Variants in ARHGAP32 observed in about 807,000 individuals in gnomAD.
ARHGAP32 encodes rho GTPase-activating protein 32.
A neutral mutation model predicts 186.5 loss-of-function variants in ARHGAP32; 51 were observed. The observed-to-expected ratio is 0.27, with a 90% confidence interval of 0.22 to 0.35. ARHGAP32 has a LOEUF of 0.35. ARHGAP32 is among the 10% of genes least tolerant of loss of function. The pLI, the probability that ARHGAP32 is intolerant of heterozygous loss-of-function variation, is 1.00. For missense variants in ARHGAP32, 2,186 were observed against 2,623.5 expected (o/e 0.83, Z 3.64); for synonymous variants, 950 against 964.3 (o/e 0.99, Z 0.27).
chr11:129,035,488 G>C (rs1172268262), intron 11 of ARHGAP32, among the ~76,000 whole-genome samples: 2 of 152,190 alleles, frequency 1.3e-5, no homozygotes, highest in African/African-American at 4.8e-5. Context: ...GGCAAAGACA[G>C]TTTTAAAGTG....
intron 2 of ARHGAP32, among the ~76,000 whole-genome samples, chr11:129,149,031 A>C (rs897732267): frequency 3.3e-5 from 5 of 152,158 alleles, no homozygotes; most frequent in Non-Finnish European, 7.4e-5. Context: ...GCCAAACACA[A>C]AAGATAGAAA....
chr11:129,120,794 C>T (rs515018), intron 5 of ARHGAP32, among the ~76,000 whole-genome samples: 50,072 of 151,806 alleles, frequency 0.33, 8,646 homozygotes, highest in South Asian at 0.51. Context: ...TTTCTAAGAT[C>T]AGAGTGAAAA....
At position 128,981,515 on chromosome 11, in the gene ARHGAP32, T is replaced by A; in HGVS notation, c.1681A>T (p.Met561Leu). ...SACFSGTAAF[M>L]EVRIQSVVVE... ...ACCACAGACTGAATCCTCACTTCCATGAAAGCTGCTGTTCCACTGAAGCAG... is the reference window on the plus strand; with the variant it reads ...ACCACAGACTGAATCCTCACTTCCAAGAAAGCTGCTGTTCCACTGAAGCAG... The change falls in exon 17 of 23, where the codon ATG becomes TTG. Residue 561 changes from methionine (M) to leucine (L), a missense_variant. This residue lies in a region of ARHGAP32 where 308 missense variants were observed against 596.5 expected (regional missense o/e 0.52). Coordinates refer to ENST00000682385, the MANE Select transcript of ARHGAP32 (RefSeq NM_001378024.1). The A allele has an allele frequency of 6.8e-6, 11 of 1,614,102 alleles. No homozygotes were observed. Among genetic ancestry groups the A allele is most frequent in the Non-Finnish European group, 9.3e-6 (11 of 1,179,964 alleles).
intron 6 of ARHGAP32, among the ~76,000 whole-genome samples, chr11:129,067,185 GA>G (rs1301083508): frequency 6.6e-6 from 1 of 151,412 alleles, no homozygotes; most frequent in Non-Finnish European, 1.5e-5. Flanking sequence ...CTACCAAAAA[GA>G]AAAAAACCAT....
rs1945204033 is a variant in ARHGAP32 at position 128,965,537 on chromosome 11, T to G, written c.*3370A>C. The G allele has an allele frequency of 6.6e-6, 1 of 152,110 alleles. No homozygotes were observed. Among genetic ancestry groups the G allele is most frequent in the African/African-American group, 2.4e-5 (1 of 41,430 alleles). 9.4% of individuals were successfully genotyped at this position (152,110 alleles called of 1,614,324 possible). ...TTGAACATTAACAGTACTAATCAGA[T>G]AAGGAAAAAAGACCCTCTGTGCACA... On this transcript the variant is annotated 3_prime_UTR_variant, in exon 23 of 23. Coordinates refer to ENST00000682385, the MANE Select transcript of ARHGAP32 (RefSeq NM_001378024.1).
intron 10 of ARHGAP32, among the ~76,000 whole-genome samples, chr11:129,047,465 T>C (rs978791255): frequency 6.6e-6 from 1 of 152,154 alleles, no homozygotes; most frequent in Non-Finnish European, 1.5e-5. Context: ...TTTGTTTTGT[T>C]TGCTACCCAA....
rs1001170450 is a variant in ARHGAP32, at chr11:129,208,747, C to G, written c.-4-44320G>C. ...TGGAACATAAATTACAAAATACATA[C>G]CAGCATAATAAAAATACCACCTTAA... On this transcript the variant is annotated intron_variant, in intron 1 of 6. Coordinates refer to the ARHGAP32 transcript ENST00000525234. Among the ~76,000 whole-genome samples, 4 of 150,660 alleles carry G rather than the reference C, an allele frequency of 2.7e-5. No homozygotes were observed. In the South Asian group the frequency reaches 6.2e-4, roughly 23 times the overall value.
At chr11:129,262,026 G>C (rs1945327600) in intron 1 of ARHGAP32, among the ~76,000 whole-genome samples, 1 of 152,128 alleles carries the variant, frequency 6.6e-6, no homozygotes, top group Non-Finnish European at 1.5e-5. Context: ...GGGAAATAAT[G>C]TCTGCCTTTT....
At chr11:128,991,308 G>A in intron 12 of ARHGAP32, among the ~76,000 whole-genome samples, 1 of 152,084 alleles carries the variant, frequency 6.6e-6, no homozygotes, top group Non-Finnish European at 1.5e-5. Flanking sequence ...ATCACATAAT[G>A]AGCTTAATAA....
intron 6 of ARHGAP32, among the ~76,000 whole-genome samples, chr11:129,089,360 G>A (rs994611063): frequency 1.3e-5 from 2 of 152,168 alleles, no homozygotes; most frequent in African/African-American, 4.8e-5. Flanking sequence ...ATACTCTGAA[G>A]AAATAAGGAG....
chr11:129,212,189 C>G (rs780622806), intron 1 of ARHGAP32, among the ~76,000 whole-genome samples: 1 of 151,934 alleles, frequency 6.6e-6, no homozygotes, highest in Non-Finnish European at 1.5e-5. Context: ...GTACTGAAAT[C>G]GTATAAATGC....
intron 1 of ARHGAP32, among the ~76,000 whole-genome samples, chr11:129,168,905 A>G (rs1428487359): frequency 1.3e-5 from 2 of 152,228 alleles, no homozygotes; most frequent in Non-Finnish European, 2.9e-5. Flanking sequence ...ACAATACTCA[A>G]TAACTCATAA....
chr11:129,185,581 C>T (rs952828879), intron 1 of ARHGAP32, among the ~76,000 whole-genome samples: 1 of 151,954 alleles, frequency 6.6e-6, no homozygotes, highest in Admixed American at 6.6e-5. Context: ...TGCACATGTA[C>T]CCTAAAACTT....
At chr11:129,188,265 T>C (rs1944203218) in intron 1 of ARHGAP32, among the ~76,000 whole-genome samples, 1 of 152,112 alleles carries the variant, frequency 6.6e-6, no homozygotes, top group Non-Finnish European at 1.5e-5. Flanking sequence ...CTCAGTTAAT[T>C]GTTAATACTA....
chr11:129,094,866 G>A lies in ARHGAP32; in HGVS notation c.445-1159C>T, dbSNP rs181345090. 8.3e-3 allele frequency among the ~76,000 whole-genome samples: 1,264 copies of A among 152,196 alleles called. 9 individuals carry two copies. The highest frequency in any genetic ancestry group is 0.024 in the Middle Eastern group (7 of 294). ...ACCTACCTGCTTAGGCTCTCAACTG[G>A]AAAATGAGGATGATATAATATTATG... On this transcript the variant is annotated intron_variant, in intron 5 of 22. Transcript: ENST00000682385.
At chr11:129,086,707 G>A (rs1260818590) in intron 6 of ARHGAP32, among the ~76,000 whole-genome samples, 1 of 151,674 alleles carries the variant, frequency 6.6e-6, no homozygotes, top group African/African-American at 2.4e-5. Flanking sequence ...TGTAGTCCCA[G>A]CTACTCAGAA....
At chr11:129,037,657 G>C (rs1939406766) in intron 11 of ARHGAP32, among the ~76,000 whole-genome samples, 1 of 151,796 alleles carries the variant, frequency 6.6e-6, no homozygotes, top group Admixed American at 6.6e-5. Flanking sequence ...AAACTGACAA[G>C]CTGATTCTAA....
chr11:129,112,832 A>G (rs530358609), intron 5 of ARHGAP32, among the ~76,000 whole-genome samples: 16 of 152,200 alleles, frequency 1.1e-4, no homozygotes, highest in Non-Finnish European at 4.4e-5. Flanking sequence ...ATTATAGTCT[A>G]TAAGTATGCC....
chr11:129,120,196 G>A (rs1252924588), intron 5 of ARHGAP32, among the ~76,000 whole-genome samples: 2 of 152,062 alleles, frequency 1.3e-5, no homozygotes, highest in East Asian at 3.8e-4. Context: ...CAAAAAATCT[G>A]CTGATGGACT....
Sources: gnomAD v4.1 joint callset for allele counts (sites outside exome capture counted in the v4.1 genomes callset) on GRCh38, gnomAD v4.1.1 for gene constraint, gnomAD v4.1.1 regional missense constraint, MANE v1.5 for transcripts, NCBI Gene and HGNC (gene_info 2026-07-23, HGNC 2026-07-21) for gene names.